The following SYCP2 variants were observed in gnomAD, a reference collection of about 807,000 sequenced individuals.
SYCP2 encodes the protein synaptonemal complex lateral element protein.
In SYCP2, 55 loss-of-function variants were observed where a neutral mutation model predicts 211.3. That is an observed-to-expected ratio of 0.26 (90% CI 0.21 to 0.33). The LOEUF (loss-of-function observed/expected upper bound fraction) is 0.33. Ranked by LOEUF, SYCP2 falls within the 10% of genes least tolerant of loss-of-function variation. The pLI is 1.00. For synonymous variants in SYCP2, 570 were observed against 555.2 expected (o/e 1.03, Z -0.37); for missense variants, 1,731 against 1,752.0 (o/e 0.99, Z 0.21).
At chr20:59,881,273 ATTAAT>A (rs1341486342) in intron 29 of SYCP2, among the ~76,000 whole-genome samples, 159 bp downstream of exon 29, 5 of 151,796 alleles carry the variant, frequency 3.3e-5, no homozygotes, top group Non-Finnish European at 5.9e-5. Context: ...TAATTTGCAT[ATTAAT>A]TTAAAGAGTA....
chr20:59,894,215 T>C (rs1024308307), intron 20 of SYCP2, among the ~76,000 whole-genome samples: 1 of 151,960 alleles, frequency 6.6e-6, no homozygotes, highest in Non-Finnish European at 1.5e-5. Flanking sequence ...CCTTTCCTTC[T>C]TACTCTAGCC....
chr20:59,875,503 AGTAC>A, intron 33 of SYCP2, 34 bp from the exon 34 acceptor site: 2 of 1,516,668 alleles, frequency 1.3e-6, no homozygotes, highest in Non-Finnish European at 1.8e-6. Context: ...ATTATACTCA[AGTAC>A]AAATATTTAC....
At position 59,892,617 on chromosome 20, in the gene SYCP2, T is replaced by C. The variant is rs757165089; in HGVS notation, c.1878A>G (p.Leu626=). 8.7e-6 allele frequency: 14 copies of C among 1,610,398 alleles called. No homozygotes were observed. The highest frequency in any genetic ancestry group is 3.4e-6 in the Non-Finnish European group (4 of 1,178,144). Residue 626 remains leucine, a synonymous_variant, in exon 23 of 45, where the codon CTA becomes CTG. Transcript: ENST00000357552. ...ACWTPVTNIE[L]CNNQRASTSS... ...AAGTACTTGCTCTTTGGTTATTACA[T>C]AGTTCAATGTTTGTTACAGGTGTCC...
At chr20:59,864,568 T>A (rs994150442) in intron 44 of SYCP2, among the ~76,000 whole-genome samples, 180 bp from the exon 45 acceptor site, 5 of 152,014 alleles carry the variant, frequency 3.3e-5, no homozygotes, top group African/African-American at 1.2e-4. Context: ...TGATCATTAC[T>A]GATATTCAAG....
At chr20:59,907,259 T>C (rs2060230627) in intron 15 of SYCP2, 105 bp downstream of exon 15, 5 of 715,310 alleles carry the variant, frequency 7.0e-6, no homozygotes, top group Non-Finnish European at 7.1e-6. Context: ...TCTGAAAATA[T>C]TGATTTTGCT....
At chr20:59,877,332 T>A in intron 33 of SYCP2, 53 bp downstream of exon 33, 1 of 1,198,974 alleles carries the variant, frequency 8.3e-7, no homozygotes, top group Non-Finnish European at 1.1e-6. Flanking sequence ...CAAAAATATA[T>A]ATTTAGTATT....
chr20:59,894,750 C>A (rs2059975994), intron 20 of SYCP2, among the ~76,000 whole-genome samples: 1 of 152,034 alleles, frequency 6.6e-6, no homozygotes, highest in Non-Finnish European at 1.5e-5. Flanking sequence ...TCAGAAAAAA[C>A]AAAAGCTATT....
chr20:59,877,297 A>T, intron 33 of SYCP2, 88 bp downstream of exon 33: 2 of 915,046 alleles, frequency 2.2e-6, no homozygotes, highest in Non-Finnish European at 3.0e-6. Flanking sequence ...CTTAAGAAGT[A>T]ACAGGATAAA....
At chr20:59,907,211 T>C (rs905621257) in intron 15 of SYCP2, among the ~76,000 whole-genome samples, 153 bp downstream of exon 15, 5 of 152,072 alleles carry the variant, frequency 3.3e-5, no homozygotes, top group African/African-American at 1.2e-4. Flanking sequence ...TAGGGAAACA[T>C]GGGATCAAGG....
In SYCP2 at chr20:59,868,402, G is replaced by A; in HGVS notation, c.3988+11C>T. ...TAACTGCATTTTGATACAGGCTACT[G>A]ATCTACCTACTTTTGTGGATATGAT... is the stretch of plus-strand genomic sequence containing the variant. On this transcript the variant is annotated intron_variant, in intron 38 of 44. Coordinates refer to ENST00000357552, the MANE Select transcript of SYCP2 (RefSeq NM_014258.4). 6.2e-7 allele frequency: 1 copy of A among 1,606,722 alleles called. No homozygotes were observed. The highest frequency in any genetic ancestry group is 8.5e-7 in the Non-Finnish European group (1 of 1,177,204).
intron 33 of SYCP2, among the ~76,000 whole-genome samples, chr20:59,876,369 CAAAAAAAAAAAAAAAAAAAAAAAAAA>C (rs765782164): frequency 8.7e-4 from 20 of 23,088 alleles, no homozygotes; most frequent in East Asian, 5.7e-3. Flanking sequence ...GGCTGTGTCT[CAAAAAAAAAAAAAAAAAAAAAAAAAA>C]AAAAAAAAAA....
At chr20:59,911,130 A>C (rs2060315861) in intron 14 of SYCP2, among the ~76,000 whole-genome samples, 1 of 152,174 alleles carries the variant, frequency 6.6e-6, no homozygotes, top group Non-Finnish European at 1.5e-5. Context: ...GATTTTGGCA[A>C]ACGGACTGCA....
intron 35 of SYCP2, among the ~76,000 whole-genome samples, chr20:59,872,879 A>G (rs1056928756): frequency 1.3e-5 from 2 of 152,124 alleles, no homozygotes; most frequent in African/African-American, 4.8e-5. Flanking sequence ...ACAAGTTGAC[A>G]AAGTAAATTG....
intron 7 of SYCP2, among the ~76,000 whole-genome samples, chr20:59,917,310 G>A (rs577910259): frequency 1.7e-4 from 26 of 152,112 alleles, no homozygotes; most frequent in African/African-American, 3.9e-4. Context: ...TTACGTTAAC[G>A]CATTTTTGAA....
chr20:59,869,746 T>C, intron 36 of SYCP2, 52 bp downstream of exon 36: 2 of 1,083,700 alleles, frequency 1.8e-6, no homozygotes, highest in Non-Finnish European at 2.7e-6. Flanking sequence ...CTGAGTCTTA[T>C]AAGAACCATC....
chr20:59,932,455 C>G lies in SYCP2; in HGVS notation c.-139-301G>C, dbSNP rs554350467. On this transcript the variant is annotated intron_variant, in intron 1 of 44. Transcript: ENST00000357552. The stretch of plus-strand genomic sequence containing the variant: ...CTTTGGGAAGCCGAGGCAGGTGGAT[C>G]ACCTGAGGTCAGGAGTTCGAGACCA... 1.6e-4 allele frequency among the ~76,000 whole-genome samples: 24 copies of G among 152,276 alleles called. No individual in the cohort carries two copies. The East Asian group carries it at 4.4e-3, about 28-fold the overall frequency.
At chr20:59,918,978 T>C (rs1160984151) in intron 7 of SYCP2, among the ~76,000 whole-genome samples, 180 bp downstream of exon 7, 1 of 152,096 alleles carries the variant, frequency 6.6e-6, no homozygotes, top group Non-Finnish European at 1.5e-5. Context: ...TAATTGTTTT[T>C]CTCTTGGACT....
chr20:59,897,589 G>T (rs907470562), intron 18 of SYCP2, among the ~76,000 whole-genome samples: 1 of 151,946 alleles, frequency 6.6e-6, no homozygotes, highest in African/African-American at 2.4e-5. Flanking sequence ...ACATGATTCT[G>T]ATATAAAGAC....
At chr20:59,916,448 T>C in intron 8 of SYCP2, 38 bp downstream of exon 8, 1 of 1,230,650 alleles carries the variant, frequency 8.1e-7, no homozygotes, top group South Asian at 1.3e-5. Flanking sequence ...CTTCACGTTC[T>C]CATTTTTAGT....
Sources: gnomAD v4.1 joint callset for allele counts (sites outside exome capture counted in the v4.1 genomes callset) on GRCh38, gnomAD v4.1.1 for gene constraint, MANE v1.5 for transcripts, NCBI Gene and HGNC (gene_info 2026-07-23, HGNC 2026-07-21) for gene names.